The following SH2D4A variants were observed in gnomAD, a reference collection of about 807,000 sequenced individuals.
SH2D4A encodes SH2 domain containing 4A.
In SH2D4A, 70 loss-of-function variants were observed where a neutral mutation model predicts 64.7. The observed-to-expected ratio is 1.08, with a 90% CI of 0.89 to 1.32. The LOEUF (loss-of-function observed/expected upper bound fraction) is 1.32, where lower values mean the gene tolerates loss of function less well. Among genes scored for constraint, SH2D4A ranks in the 40% most tolerant of loss-of-function variants. SH2D4A has a pLI of 0.00. For missense variants in SH2D4A, 706 were observed against 540.1 expected (o/e 1.31, Z -3.04); for synonymous variants, 268 against 200.7 (o/e 1.34, Z -2.83).
intron 7 of SH2D4A, among the ~76,000 whole-genome samples, chr8:19,365,446 CAA>C (rs2052976971): frequency 6.6e-6 from 1 of 152,172 alleles, no homozygotes; most frequent in African/African-American, 2.4e-5. Context: ...GAACAGCTGA[CAA>C]AGGTGCACAC....
chr8:19,334,918 G>C, intron 4 of SH2D4A, 61 bp downstream of exon 4: 3 of 1,521,378 alleles, frequency 2.0e-6, no homozygotes, highest in Non-Finnish European at 2.6e-6. Flanking sequence ...AAGCTATTGA[G>C]GCCACAGAGA....
At chr8:19,371,349 G>T (rs2053091998) in intron 7 of SH2D4A, among the ~76,000 whole-genome samples, 1 of 151,660 alleles carries the variant, frequency 6.6e-6, no homozygotes, top group African/African-American at 2.4e-5. Flanking sequence ...CAGTATTCTG[G>T]GTTGCATTTT....
chr8:19,382,677 A>T (rs1015485515), intron 8 of SH2D4A, among the ~76,000 whole-genome samples: 1 of 152,122 alleles, frequency 6.6e-6, no homozygotes, highest in African/African-American at 2.4e-5. Flanking sequence ...ATGTACTGCC[A>T]TCATAAGTTG....
chr8:19,363,647 C>G (rs1354370692), intron 6 of SH2D4A, among the ~76,000 whole-genome samples: 1 of 152,142 alleles, frequency 6.6e-6, no homozygotes, highest in Non-Finnish European at 1.5e-5. Flanking sequence ...GTCCTGATCT[C>G]TGCTAGTGAG....
At chr8:19,340,657 A>G (rs2052516716) in intron 4 of SH2D4A, among the ~76,000 whole-genome samples, 1 of 143,206 alleles carries the variant, frequency 7.0e-6, no homozygotes, top group Admixed American at 7.2e-5. Flanking sequence ...CCAGGCTGGA[A>G]TACAGTGGCA....
intron 3 of SH2D4A, among the ~76,000 whole-genome samples, chr8:19,334,357 G>T (rs2052410627): frequency 1.4e-5 from 2 of 145,564 alleles, no homozygotes; most frequent in Admixed American, 1.3e-4. Context: ...GAAGCAGACG[G>T]TGTGGTTCTA....
chr8:19,354,910 A>G (rs989090990), intron 4 of SH2D4A, among the ~76,000 whole-genome samples: 8 of 152,204 alleles, frequency 5.3e-5, no homozygotes, highest in Non-Finnish European at 4.4e-5. Context: ...AAGGACAGCA[A>G]ATGTGCTGCG....
intron 1 of SH2D4A, among the ~76,000 whole-genome samples, chr8:19,315,383 A>G (rs185455050): frequency 7.2e-4 from 110 of 152,268 alleles, no homozygotes; most frequent in African/African-American, 2.5e-3. Flanking sequence ...CAATCCACCC[A>G]TGTCCACCTC....
chr8:19,362,243 A>G (rs1034726183), intron 6 of SH2D4A, among the ~76,000 whole-genome samples: 13 of 152,258 alleles, frequency 8.5e-5, no homozygotes, highest in African/African-American at 2.9e-4. Context: ...TGTACTATGC[A>G]CTGAAATCCT....
intron 2 of SH2D4A, among the ~76,000 whole-genome samples, chr8:19,330,137 A>AT (rs1202922069): frequency 1.3e-5 from 2 of 152,054 alleles, no homozygotes; most frequent in East Asian, 1.9e-4. Context: ...GCAAAAACTC[A>AT]TTTTCTGCCT....
intron 8 of SH2D4A, among the ~76,000 whole-genome samples, chr8:19,379,790 G>A (rs565861994): frequency 2.6e-5 from 4 of 152,168 alleles, no homozygotes; most frequent in Non-Finnish European, 4.4e-5. Context: ...AGGCTGGAGC[G>A]CAGTGGCACA....
Position 19,313,824 on chromosome 8 carries a change from G to C in SH2D4A, c.-205+1G>C, listed in dbSNP as rs918439225. ...CCCTGCCCAGGGGCGCCCAGCACTG[G>C]TAGGTGCTGGGGGTGGGGCGAGGCT... On this transcript the variant is annotated splice_donor_variant, in intron 1 of 9. Transcript: ENST00000265807. LOFTEE classifies it low-confidence loss of function (5UTR_SPLICE). The C allele has an allele frequency of 8.7e-6, 13 of 1,500,020 alleles. No homozygotes were observed. The African/African-American group carries it at 1.4e-4, about 17-fold the overall frequency. The allele number at this position is 1,500,020 out of a possible 1,614,324, so 92.9% of individuals were successfully genotyped here. A position where few individuals can be genotyped will look rare whatever the true frequency, so the allele number is the denominator to read the frequency against.
chr8:19,337,643 A>C (rs191134047), intron 4 of SH2D4A, among the ~76,000 whole-genome samples: 2 of 152,214 alleles, frequency 1.3e-5, no homozygotes, highest in Non-Finnish European at 2.9e-5. Flanking sequence ...TTACAGTTCC[A>C]TGTAGCTGGG....
intron 4 of SH2D4A, among the ~76,000 whole-genome samples, chr8:19,345,364 TAC>T (rs946118422): frequency 6.6e-6 from 1 of 152,252 alleles, no homozygotes; most frequent in Non-Finnish European, 1.5e-5. Flanking sequence ...TCGATGCCTG[TAC>T]AACAGAAAGA....
At chr8:19,347,524 T>G (rs2052631415) in intron 4 of SH2D4A, among the ~76,000 whole-genome samples, 1 of 152,182 alleles carries the variant, frequency 6.6e-6, no homozygotes, top group South Asian at 2.1e-4. Flanking sequence ...AACTGAAAAA[T>G]AAGCTCCTCT....
intron 2 of SH2D4A, among the ~76,000 whole-genome samples, chr8:19,322,846 T>C (rs1212735915): frequency 6.6e-6 from 1 of 152,010 alleles, no homozygotes; most frequent in Non-Finnish European, 1.5e-5. Context: ...AGCTAATTTT[T>C]GTATTTTCAG....
chr8:19,390,941 C>T (rs1213867778), intron 8 of SH2D4A, among the ~76,000 whole-genome samples: 1 of 152,192 alleles, frequency 6.6e-6, no homozygotes, highest in African/African-American at 2.4e-5. Flanking sequence ...CCAGATTCAT[C>T]TGGATAATTT....
intron 2 of SH2D4A, among the ~76,000 whole-genome samples, chr8:19,322,238 A>G (rs1585143810): frequency 6.6e-6 from 1 of 152,196 alleles, no homozygotes; most frequent in Admixed American, 6.5e-5. Flanking sequence ...TGGTGCTGCC[A>G]GAGGTGCTTA....
At position 19,364,094 on chromosome 8, in the gene SH2D4A, T is replaced by A; in HGVS notation, c.729T>A (p.Asp243Glu). The A allele has an allele frequency of 2.5e-6, 4 of 1,613,938 alleles. No homozygotes were observed. The highest frequency in any genetic ancestry group is 3.4e-6 in the Non-Finnish European group (4 of 1,179,892). ...QASLRKSKAA[D>E]EKRRSLAKQA... ...CAGTGCGAAAATCCAAAGCAGCTGA[T>A]GAGAAGAGACGCTCCTTGGCTAAAC... The change falls in exon 7 of 10, where the codon GAT becomes GAA. Residue 243 changes from aspartate to glutamate, a missense_variant. Coordinates refer to ENST00000265807, the MANE Select transcript of SH2D4A (RefSeq NM_022071.4).
Sources: gnomAD v4.1 joint callset for allele counts (sites outside exome capture counted in the v4.1 genomes callset) on GRCh38, gnomAD v4.1.1 for gene constraint, MANE v1.5 for transcripts, NCBI Gene and HGNC (gene_info 2026-07-23, HGNC 2026-07-21) for gene names.